The following STK3 variants were observed in gnomAD, a reference collection of about 807,000 sequenced individuals.
The protein encoded by STK3 is serine/threonine-protein kinase 3.
In STK3, 41 loss-of-function variants were observed where a neutral mutation model predicts 58.0. The ratio of observed to expected loss-of-function variants is 0.71; its 90% CI spans 0.55 to 0.92. The LOEUF (loss-of-function observed/expected upper bound fraction) is 0.92, where lower values mean the gene tolerates loss of function less well. STK3 is among the 40% of genes least tolerant of loss of function. The pLI, the probability that STK3 is intolerant of heterozygous loss-of-function variation, is 0.00. For missense variants in STK3, 479 were observed against 602.7 expected, an observed-to-expected ratio of 0.79 and a Z score of 2.15; for synonymous variants, 170 against 191.0, an observed-to-expected ratio of 0.89 and a Z score of 0.91.
At chr8:98,613,627 CAAGTAACCCACAGGAAG>C (rs1817382758) in intron 6 of STK3, among the ~76,000 whole-genome samples, 1 of 151,140 alleles carries the variant, frequency 6.6e-6, no homozygotes, top group Non-Finnish European at 1.5e-5. Flanking sequence ...TAAAAAAAAT[CAAGTAACCCACAGGAAG>C]TAAAAAAAAA....
At chr8:98,737,776 C>A (rs1828735971) in intron 4 of STK3, among the ~76,000 whole-genome samples, 1 of 152,070 alleles carries the variant, frequency 6.6e-6, no homozygotes, top group Non-Finnish European at 1.5e-5. Context: ...GGCGCAATCT[C>A]AGCTCATTGC....
intron 2 of STK3, among the ~76,000 whole-genome samples, chr8:98,377,317 C>T (rs868594987): frequency 2.0e-5 from 3 of 152,138 alleles, no homozygotes; most frequent in African/African-American, 7.2e-5. Context: ...ATTTGAATTT[C>T]ACTTCTTCGG....
At chr8:98,719,831 C>T (rs1029594830) in intron 4 of STK3, among the ~76,000 whole-genome samples, 2 of 152,174 alleles carry the variant, frequency 1.3e-5, no homozygotes, top group African/African-American at 4.8e-5. Context: ...AGGGCATAAC[C>T]TGAATTTGGC....
chr8:98,357,305 C>T, the STK3 span, among the ~76,000 whole-genome samples: 2 of 152,148 alleles, frequency 1.3e-5, no homozygotes, highest in African/African-American at 4.8e-5. Flanking sequence ...CCAGGTAAAA[C>T]CAGGATGCTG....
intron 9 of STK3, among the ~76,000 whole-genome samples, chr8:98,530,388 C>A (rs960731771): frequency 2.0e-5 from 3 of 152,142 alleles, no homozygotes; most frequent in African/African-American, 7.2e-5. Context: ...TTAGCTTCCA[C>A]TTGTAAGTGA....
chr8:98,460,290 C>T (rs1285194034), intron 10 of STK3, among the ~76,000 whole-genome samples: 1 of 152,110 alleles, frequency 6.6e-6, no homozygotes, highest in African/African-American at 2.4e-5. Flanking sequence ...GCCTTTAGCC[C>T]CTTTGTTTTG....
At chr8:98,756,141 C>CAA (rs569803318) in intron 3 of STK3, among the ~76,000 whole-genome samples, 5 of 108,542 alleles carry the variant, frequency 4.6e-5, no homozygotes, top group South Asian at 2.8e-4. Context: ...GGCTCCGCCT[C>CAA]AAAAAAAAAA....
chr8:98,408,294 C>G (rs1259183689), intron 3 of STK3, among the ~76,000 whole-genome samples: 1 of 151,978 alleles, frequency 6.6e-6, no homozygotes, highest in Non-Finnish European at 1.5e-5. Flanking sequence ...TATGAAGTGC[C>G]ATGACAATTA....
At chr8:98,737,870 G>A (rs188314642) in intron 4 of STK3, among the ~76,000 whole-genome samples, 20 of 152,158 alleles carry the variant, frequency 1.3e-4, no homozygotes, top group African/African-American at 4.6e-4. Context: ...AGCACACCCA[G>A]CTAATTTTTT....
At chr8:98,795,557 GA>G (rs541786536) in intron 1 of STK3, among the ~76,000 whole-genome samples, 77 of 152,084 alleles carry the variant, frequency 5.1e-4, no homozygotes, top group African/African-American at 1.7e-3. Context: ...TAAGGCAAAA[GA>G]AAGAAATAAA....
At chr8:98,374,111 C>T (rs1257885506) in intron 2 of STK3, among the ~76,000 whole-genome samples, 3 of 152,142 alleles carry the variant, frequency 2.0e-5, no homozygotes, top group African/African-American at 7.2e-5. Context: ...GTGAAGCAAA[C>T]GTTTGTATTA....
intron 1 of STK3, among the ~76,000 whole-genome samples, chr8:98,817,799 A>G (rs1453990001): frequency 6.6e-6 from 1 of 152,184 alleles, no homozygotes; most frequent in East Asian, 1.9e-4. Context: ...AACTATTCAA[A>G]TAGTTTCCTA....
chr8:98,481,334 G>A (rs982355384), intron 10 of STK3, among the ~76,000 whole-genome samples: 1 of 152,062 alleles, frequency 6.6e-6, no homozygotes, highest in African/African-American at 2.4e-5. Flanking sequence ...CAGTCGCAAA[G>A]ATATGGAATT....
At chr8:98,577,206 G>C (rs1442183950) in intron 8 of STK3, among the ~76,000 whole-genome samples, 2 of 152,162 alleles carry the variant, frequency 1.3e-5, no homozygotes, top group East Asian at 3.8e-4. Flanking sequence ...TAAAAACTGG[G>C]CCGGGCGCAG....
chr8:98,740,810 A>C (rs1829137239), intron 4 of STK3, among the ~76,000 whole-genome samples: 1 of 152,208 alleles, frequency 6.6e-6, no homozygotes, highest in African/African-American at 2.4e-5. Flanking sequence ...AAATTGGATA[A>C]AGAGTCAAGA....
chr8:98,905,844 G>A (rs934956184), intron 1 of STK3, among the ~76,000 whole-genome samples: 3 of 152,224 alleles, frequency 2.0e-5, no homozygotes, highest in Non-Finnish European at 1.5e-5. Flanking sequence ...AGAGAATCCA[G>A]CGCAGCCACA....
At chr8:98,777,682 TATAA>T (rs1319228976) in intron 1 of STK3, among the ~76,000 whole-genome samples, 3 of 152,168 alleles carry the variant, frequency 2.0e-5, no homozygotes, top group Non-Finnish European at 2.9e-5. Flanking sequence ...CACGTCACTT[TATAA>T]CATCAAAGAG....
downstream of STK3, among the ~76,000 whole-genome samples, chr8:98,453,290 T>C (rs575573256): frequency 1.3e-5 from 2 of 151,542 alleles, no homozygotes; most frequent in South Asian, 4.2e-4. Flanking sequence ...GGTTTCACCA[T>C]ATTAGTCAGG....
At chr8:98,899,952 A>G (rs918326849) in intron 1 of STK3, among the ~76,000 whole-genome samples, 3 of 152,204 alleles carry the variant, frequency 2.0e-5, no homozygotes, top group African/African-American at 7.2e-5. Flanking sequence ...TTTTATTGTA[A>G]ACATGCCTGG....
Sources: gnomAD v4.1 joint callset for allele counts (sites outside exome capture counted in the v4.1 genomes callset) on GRCh38, gnomAD v4.1.1 for gene constraint, MANE v1.5 for transcripts, NCBI Gene and HGNC (gene_info 2026-07-23, HGNC 2026-07-21) for gene names.